CERKL: variants seen among roughly 807,000 people sequenced by gnomAD.
CERKL encodes the protein CERK like autophagy regulator.
CERKL carries 61 observed loss-of-function variants against 63.4 expected under a neutral mutation model. The observed-to-expected ratio is 0.96, with a 90% confidence interval of 0.78 to 1.19. The LOEUF is 1.19. Among genes scored for constraint, CERKL ranks in the 50% most tolerant of loss-of-function variants. The probability of loss-of-function intolerance (pLI) is 0.00; values close to 1 mark genes in which losing one functional copy is unlikely to be tolerated. For synonymous variants in CERKL, 250 were observed against 230.5 expected, an observed-to-expected ratio of 1.08 and a Z score of -0.77; for missense variants, 675 against 655.5, an observed-to-expected ratio of 1.03 and a Z score of -0.33.
At chr2:181,648,485 C>T (rs1359136036) in intron 1 of CERKL, among the ~76,000 whole-genome samples, 1 of 152,082 alleles carries the variant, frequency 6.6e-6, no homozygotes, top group African/African-American at 2.4e-5. Flanking sequence ...AAGGCCTTCC[C>T]AGACAAACAA....
intron 2 of CERKL, among the ~76,000 whole-genome samples, chr2:181,581,144 T>C (rs1684491755): frequency 6.6e-6 from 1 of 152,222 alleles, no homozygotes; most frequent in African/African-American, 2.4e-5. Context: ...TCTTCATTTT[T>C]TTCATTTGTT....
intron 1 of CERKL, among the ~76,000 whole-genome samples, chr2:181,640,779 C>A (rs965709341): frequency 6.6e-6 from 1 of 152,204 alleles, no homozygotes; most frequent in Non-Finnish European, 1.5e-5. Flanking sequence ...GAACTTCCTA[C>A]TTTGGACAAC....
chr2:181,628,045 A>T (rs1211742802), intron 1 of CERKL, among the ~76,000 whole-genome samples: 1 of 152,174 alleles, frequency 6.6e-6, no homozygotes, highest in East Asian at 1.9e-4. Context: ...CATTCTCAAA[A>T]CATAAATGTC....
In CERKL at chr2:181,537,586, T is replaced by C. The variant is rs568752748; in HGVS notation, c.*598A>G. On this transcript the variant is annotated 3_prime_UTR_variant, in exon 13 of 13. Transcript: ENST00000410087. Reference sequence around the variant, plus strand: ...CAAGGCAGACTTATGAAATCTGTATTATATTTGTAACAGAATATAGGAAAT... The same window carrying C: ...CAAGGCAGACTTATGAAATCTGTATCATATTTGTAACAGAATATAGGAAAT... 4.4e-5 allele frequency: 19 copies of C among 429,952 alleles called. No homozygotes were observed. In the East Asian group the frequency reaches 1.3e-3, roughly 30 times the overall value. 26.6% of individuals were successfully genotyped at this position (429,952 alleles called of 1,614,324 possible).
intron 1 of CERKL, among the ~76,000 whole-genome samples, chr2:181,604,960 G>C (rs1227235586): frequency 6.6e-6 from 1 of 152,102 alleles, no homozygotes; most frequent in East Asian, 1.9e-4. Context: ...GACTCTCAAA[G>C]TAGAAGTGTT....
chr2:181,650,995 A>T (rs1310961809), intron 1 of CERKL, among the ~76,000 whole-genome samples: 1 of 152,206 alleles, frequency 6.6e-6, no homozygotes, highest in Non-Finnish European at 1.5e-5. Flanking sequence ...AAGACATAAA[A>T]TCTGACCAGA....
At chr2:181,572,305 G>A (rs1365186137) in intron 3 of CERKL, among the ~76,000 whole-genome samples, 2 of 152,030 alleles carry the variant, frequency 1.3e-5, no homozygotes, top group East Asian at 3.9e-4. Flanking sequence ...GCATTTTTTT[G>A]AATCTCTAAT....
At chr2:181,641,361 AT>A (rs1263648664) in intron 1 of CERKL, among the ~76,000 whole-genome samples, 2 of 134,244 alleles carry the variant, frequency 1.5e-5, no homozygotes, top group Non-Finnish European at 3.2e-5. Context: ...ATATACACAT[AT>A]TTTTTTCCCT....
chr2:181,585,630 C>A (rs1405130889), intron 2 of CERKL, among the ~76,000 whole-genome samples: 1 of 152,102 alleles, frequency 6.6e-6, no homozygotes, highest in Non-Finnish European at 1.5e-5. Flanking sequence ...AACAAAAAAG[C>A]AATTCAGTCT....
chr2:181,624,181 T>G (rs543339801), intron 1 of CERKL, among the ~76,000 whole-genome samples: 95 of 152,110 alleles, frequency 6.2e-4, no homozygotes, highest in African/African-American at 1.9e-3. Flanking sequence ...TTAAGGACAT[T>G]GGATTTTATG....
intron 1 of CERKL, among the ~76,000 whole-genome samples, chr2:181,646,941 A>T (rs1277537481): frequency 6.6e-6 from 1 of 152,220 alleles, no homozygotes. Flanking sequence ...AGTGAGAAAA[A>T]AATAAAAATA....
intron 4 of CERKL, among the ~76,000 whole-genome samples, chr2:181,560,681 G>A (rs1393933524): frequency 6.6e-6 from 1 of 152,064 alleles, no homozygotes; most frequent in African/African-American, 2.4e-5. Flanking sequence ...TGTACCACTA[G>A]TAAGTAATAG....
chr2:181,637,685 T>A (rs1228537882), intron 1 of CERKL, among the ~76,000 whole-genome samples: 1 of 152,172 alleles, frequency 6.6e-6, no homozygotes, highest in Non-Finnish European at 1.5e-5. Flanking sequence ...CTATACTTCC[T>A]AGAATATAGT....
At chr2:181,626,311 T>C (rs550183469) in intron 1 of CERKL, among the ~76,000 whole-genome samples, 1 of 152,000 alleles carries the variant, frequency 6.6e-6, no homozygotes, top group Non-Finnish European at 1.5e-5. Flanking sequence ...TAGAAGTGAA[T>C]AATGATATTT....
At chr2:181,629,312 G>A (rs1459445294) in intron 1 of CERKL, among the ~76,000 whole-genome samples, 2 of 152,174 alleles carry the variant, frequency 1.3e-5, no homozygotes, top group Admixed American at 6.6e-5. Context: ...CAGGAACACA[G>A]TGGATTTAGA....
At chr2:181,576,508 CCAGGGAAGGT>C (rs1559085793) in intron 2 of CERKL, among the ~76,000 whole-genome samples, 1 of 152,162 alleles carries the variant, frequency 6.6e-6, no homozygotes, top group Non-Finnish European at 1.5e-5. Context: ...ACACGACAGG[CCAGGGAAGGT>C]CAGATCACCC....
At chr2:181,601,824 T>G (rs1685471260) in intron 2 of CERKL, among the ~76,000 whole-genome samples, 1 of 152,198 alleles carries the variant, frequency 6.6e-6, no homozygotes, top group Admixed American at 6.5e-5. Flanking sequence ...TTGTATGAGT[T>G]GATTTTAAAA....
In CERKL at chr2:181,538,228, T is replaced by TAA. The variant is rs2105784377; in HGVS notation, c.1553_1554dup (p.Ile519LeufsTer12). 6.3e-7 allele frequency: 1 copy of TAA among 1,590,768 alleles called. No individual in the cohort carries two copies. The highest frequency in any genetic ancestry group is 8.6e-7 in the Non-Finnish European group (1 of 1,159,742). ...TCCATGCTTCCTCCATAAAGACTGATAAGTCTTGGATGCAATCTGTAAAGA... is the reference window on the plus strand; with the variant it reads ...TCCATGCTTCCTCCATAAAGACTGATAAAAGTCTTGGATGCAATCTGTAAAGA... On this transcript the variant is annotated frameshift_variant, in exon 13 of 13. Coordinates refer to ENST00000410087, the MANE Select transcript of CERKL (RefSeq NM_201548.5). LOFTEE classifies it high-confidence loss of function.
At chr2:181,646,262 A>G (rs1406139105) in intron 1 of CERKL, among the ~76,000 whole-genome samples, 1 of 152,242 alleles carries the variant, frequency 6.6e-6, no homozygotes, top group Non-Finnish European at 1.5e-5. Context: ...CATTCCAGAT[A>G]GCTTCCTAAA....
Sources: gnomAD v4.1 joint callset for allele counts (sites outside exome capture counted in the v4.1 genomes callset) on GRCh38, gnomAD v4.1.1 for gene constraint, MANE v1.5 for transcripts, NCBI Gene and HGNC (gene_info 2026-07-23, HGNC 2026-07-21) for gene names.